RAD54L2: variants seen among roughly 807,000 people sequenced by gnomAD.
RAD54L2 encodes RAD54 like 2, also known as helicase ARIP4.
In RAD54L2, 27 loss-of-function variants were observed where a neutral mutation model predicts 138.4. The ratio of observed to expected loss-of-function variants is 0.20; its 90% CI spans 0.14 to 0.27. RAD54L2 has a LOEUF of 0.27. Ranked by LOEUF, RAD54L2 falls within the 10% of genes least tolerant of loss-of-function variation. The pLI is 1.00. For missense variants in RAD54L2, 1,396 were observed against 1,890.2 expected (o/e 0.74, Z 4.85); for synonymous variants, 644 against 723.2 (o/e 0.89, Z 1.76).
At chr3:51,653,128 C>G (rs570326771) in intron 19 of RAD54L2, among the ~76,000 whole-genome samples, 1 of 152,220 alleles carries the variant, frequency 6.6e-6, no homozygotes, top group South Asian at 2.1e-4. Context: ...AGGATATGAA[C>G]AAACACTTTT....
rs1043217229 is a variant in RAD54L2, at chr3:51,633,878, T to A, written c.1009-24T>A. The A allele has an allele frequency of 6.8e-6, 11 of 1,608,880 alleles. No individual in the cohort carries two copies. In the Admixed American group the frequency reaches 8.5e-5, roughly 12 times the overall value. On this transcript the variant is annotated intron_variant, in intron 8 of 22. Transcript: ENST00000684192. ...TCTGAGTTTGTTCCATAAAACTCTC[T>A]TTTTGGACTTGGCTTTCTAATAGGT...
chr3:51,643,599 A>C (rs1261800750), intron 15 of RAD54L2, among the ~76,000 whole-genome samples: 2 of 152,186 alleles, frequency 1.3e-5, no homozygotes, highest in Non-Finnish European at 2.9e-5. Context: ...ATACATTCCG[A>C]AGTCTAGGAT....
intron 9 of RAD54L2, 46 bp downstream of exon 9, chr3:51,634,081 C>A (rs758277201): frequency 6.3e-7 from 1 of 1,592,708 alleles, no homozygotes; most frequent in Non-Finnish European, 8.6e-7. Context: ...TTTTAGACTT[C>A]TGTCCGTGAT....
rs545973024 is a variant in RAD54L2, at chr3:51,603,614, T to C, written c.139+13055T>C. Among the ~76,000 whole-genome samples, 19 of 151,940 alleles carry C rather than the reference T, an allele frequency of 1.3e-4. 1 individual carries two copies. The East Asian group carries it at 3.5e-3, about 28-fold the overall frequency. On this transcript the variant is annotated intron_variant, in intron 3 of 22. Coordinates refer to ENST00000684192, the MANE Select transcript of RAD54L2 (RefSeq NM_015106.4). ...GAAGGAGACTCTGCCTCAAAATAAATAAATAAATAAATAATAGGGAATCTC... is the reference window on the plus strand; with the variant it reads ...GAAGGAGACTCTGCCTCAAAATAAACAAATAAATAAATAATAGGGAATCTC...
intron 2 of RAD54L2, among the ~76,000 whole-genome samples, chr3:51,587,748 T>C (rs1459804004): frequency 6.6e-6 from 1 of 152,194 alleles, no homozygotes; most frequent in African/African-American, 2.4e-5. Flanking sequence ...CAGGAGAAGA[T>C]AGATGTTATG....
intron 2 of RAD54L2, among the ~76,000 whole-genome samples, chr3:51,550,568 G>A (rs1388568281): frequency 2.0e-5 from 3 of 152,018 alleles, no homozygotes; most frequent in Admixed American, 6.6e-5. Context: ...TTCGAGACCC[G>A]CCTGGGCAAC....
chr3:51,578,994 G>A (rs977904979), intron 2 of RAD54L2, among the ~76,000 whole-genome samples: 1 of 152,034 alleles, frequency 6.6e-6, no homozygotes, highest in Non-Finnish European at 1.5e-5. Flanking sequence ...GCTGAAAAGG[G>A]GACAGAGCGG....
chr3:51,658,117 A>G (rs1701655890), intron 21 of RAD54L2, among the ~76,000 whole-genome samples: 1 of 150,120 alleles, frequency 6.7e-6, no homozygotes, highest in South Asian at 2.1e-4. Flanking sequence ...TTTTTTTAGT[A>G]GAGATGGGGT....
intron 19 of RAD54L2, among the ~76,000 whole-genome samples, chr3:51,655,461 A>G (rs924198911): frequency 3.3e-5 from 5 of 152,326 alleles, no homozygotes; most frequent in South Asian, 2.1e-4. Flanking sequence ...TTGAGACTCA[A>G]GGTTTCAGAG....
intron 2 of RAD54L2, among the ~76,000 whole-genome samples, chr3:51,559,455 T>C (rs1362215761): frequency 6.6e-6 from 1 of 152,232 alleles, no homozygotes; most frequent in African/African-American, 2.4e-5. Context: ...GTGCCTCCCC[T>C]GAGTGCTTCA....
chr3:51,635,927 G>T, intron 10 of RAD54L2, 138 bp downstream of exon 10: 1 of 894,242 alleles, frequency 1.1e-6, no homozygotes, highest in Non-Finnish European at 1.7e-6. Flanking sequence ...TGGTTCCCAA[G>T]ATCAGTAGGA....
At chr3:51,569,640 C>G (rs1400527097) in intron 2 of RAD54L2, among the ~76,000 whole-genome samples, 2 of 152,134 alleles carry the variant, frequency 1.3e-5, no homozygotes, top group African/African-American at 2.4e-5. Context: ...CCTTGGCCTC[C>G]CAAAGTGCTG....
intron 3 of RAD54L2, among the ~76,000 whole-genome samples, chr3:51,602,146 A>G (rs1452714494): frequency 6.6e-6 from 1 of 151,862 alleles, no homozygotes; most frequent in East Asian, 1.9e-4. Context: ...TTTCTTTCTT[A>G]TTTTTTTGGC....
intron 3 of RAD54L2, among the ~76,000 whole-genome samples, chr3:51,602,167 G>T (rs1006073930): frequency 6.6e-6 from 1 of 151,988 alleles, no homozygotes; most frequent in African/African-American, 2.4e-5. Flanking sequence ...CCAGGGCATT[G>T]TTTTTTTATT....
At chr3:51,660,163 GTTTGC>G in intron 22 of RAD54L2, 45 bp downstream of exon 22, 2 of 1,486,598 alleles carry the variant, frequency 1.3e-6, no homozygotes, top group Non-Finnish European at 1.8e-6. Flanking sequence ...AACAACATTT[GTTTGC>G]TTTGTTTTGG....
chr3:51,614,739 C>T (rs1336389274), intron 3 of RAD54L2, among the ~76,000 whole-genome samples: 5 of 152,116 alleles, frequency 3.3e-5, no homozygotes, highest in African/African-American at 1.2e-4. Flanking sequence ...TCTTGAACTC[C>T]TGGGCTCAAG....
chr3:51,557,747 T>C (rs1256445563), intron 2 of RAD54L2, among the ~76,000 whole-genome samples: 1 of 147,976 alleles, frequency 6.8e-6, no homozygotes, highest in Non-Finnish European at 1.5e-5. Context: ...GGAGAATCGC[T>C]TGAAACCAGA....
chr3:51,541,287 A>G (rs1456032778), intron 1 of RAD54L2: 2 of 152,202 alleles, frequency 1.3e-5, no homozygotes, highest in Non-Finnish European at 2.9e-5. Flanking sequence ...TTTATAATGT[A>G]TTAATTTTGA....
At position 51,588,835 on chromosome 3, in the gene RAD54L2, A is replaced by G. The variant is rs984735094; in HGVS notation, c.-54-1532A>G. Among the ~76,000 whole-genome samples the G allele has an allele frequency of 5.3e-5, 8 of 152,290 alleles. No individual in the cohort carries two copies. The South Asian group carries it at 1.7e-3, about 32-fold the overall frequency. Reference sequence around the variant, plus strand: ...AATGAATGAATAACTTGGGTAAAACATACTTCTAGCTCCTGTGTACTCCCA... The same window carrying G: ...AATGAATGAATAACTTGGGTAAAACGTACTTCTAGCTCCTGTGTACTCCCA... On this transcript the variant is annotated intron_variant, in intron 2 of 22. Transcript: ENST00000684192.
Sources: allele counts gnomAD v4.1 joint callset (sites outside exome capture counted in the v4.1 genomes callset), GRCh38; gene constraint gnomAD v4.1.1; transcripts MANE v1.5; gene names NCBI Gene and HGNC (gene_info 2026-07-23, HGNC 2026-07-21).